The following NF2 variants were observed in gnomAD, a reference collection of about 807,000 sequenced individuals.
The protein encoded by NF2 is NF2, moesin-ezrin-radixin like (MERLIN) tumor suppressor.
A neutral mutation model predicts 83.7 loss-of-function variants in NF2; 8 were observed. The observed-to-expected ratio is 0.10, with a 90% CI of 0.06 to 0.17. The LOEUF (loss-of-function observed/expected upper bound fraction) is 0.17. Ranked by LOEUF, NF2 falls within the 10% of genes least tolerant of loss-of-function variation. The probability of loss-of-function intolerance (pLI) is 1.00; values close to 1 mark genes in which losing one functional copy is unlikely to be tolerated. For synonymous variants in NF2, 266 were observed against 269.6 expected, an observed-to-expected ratio of 0.99 and a Z score of 0.13; for missense variants, 533 against 744.4, an observed-to-expected ratio of 0.72 and a Z score of 3.31.
At position 29,640,995 on chromosome 22, in the gene NF2, T is replaced by C. The variant is rs112993693; in HGVS notation, c.364-1207T>C. Among the ~76,000 whole-genome samples the C allele has an allele frequency of 8.1e-4, 124 of 152,212 alleles. 3 individuals are homozygous for C. Among genetic ancestry groups the C allele is most frequent in the African/African-American group, 2.9e-3 (121 of 41,546 alleles). On this transcript the variant is annotated intron_variant, in intron 3 of 15. Coordinates refer to ENST00000338641, the MANE Select transcript of NF2 (RefSeq NM_000268.4). ...CTAAAAATACAAAATTAGCCGGGCA[T>C]GGTGGCACATGCCTGTAATCCCAGC...
At chr22:29,623,329 C>T (rs922996170) in intron 1 of NF2, among the ~76,000 whole-genome samples, 5 of 151,992 alleles carry the variant, frequency 3.3e-5, no homozygotes, top group Non-Finnish European at 7.4e-5. Context: ...TCATCAGATG[C>T]GATGAAGAGC....
At chr22:29,664,931 A>G in intron 8 of NF2, 59 bp from the exon 9 acceptor site, 1 of 1,272,046 alleles carries the variant, frequency 7.9e-7, no homozygotes, top group Non-Finnish European at 1.1e-6. Context: ...TGGAATTTCC[A>G]ATTGCTGGTA....
At position 29,606,613 on chromosome 22, in the gene NF2, AT is replaced by A. The variant is rs79825041; in HGVS notation, c.114+2502del. ...ATTCATGCCTAAGGGCAATCTGGAGATGTGAAGGTTTTGGTAAGAGGCAACT... is the reference window on the plus strand; with the variant it reads ...ATTCATGCCTAAGGGCAATCTGGAGAGTGAAGGTTTTGGTAAGAGGCAACT... On this transcript the variant is annotated intron_variant, in intron 1 of 15. Transcript: ENST00000338641. Among the ~76,000 whole-genome samples the A allele has an allele frequency of 8.9e-3, 1,349 of 152,302 alleles. 58 individuals carry two copies. In the East Asian group the frequency reaches 0.14, roughly 15 times the overall value.
At chr22:29,691,422 C>T (rs1027540055) in intron 15 of NF2, among the ~76,000 whole-genome samples, 8 of 152,146 alleles carry the variant, frequency 5.3e-5, no homozygotes, top group Non-Finnish European at 1.0e-4. Context: ...GGACCCAGGC[C>T]GGTTGCTGAG....
intron 15 of NF2, among the ~76,000 whole-genome samples, chr22:29,687,634 A>T (rs186419753): frequency 9.1e-4 from 138 of 152,310 alleles, no homozygotes; most frequent in African/African-American, 3.1e-3. Flanking sequence ...AACCCTCCTT[A>T]TGACCCCAGT....
intron 14 of NF2, among the ~76,000 whole-genome samples, chr22:29,680,945 TG>T (rs1291856184): frequency 7.4e-6 from 1 of 135,452 alleles, no homozygotes; most frequent in Non-Finnish European, 1.7e-5. Context: ...GTTTCACGTA[TG>T]TTTTTTTTTT....
At position 29,694,580 on chromosome 22, in the gene NF2, G is replaced by A. The variant is rs1269169867; in HGVS notation, c.1738-172G>A. ...GTCACCTCCTAATTTGAATTATTGG[G>A]CAAATCTGGCCGCTTATTTGGGACT... On this transcript the variant is annotated intron_variant, in intron 15 of 15. Coordinates refer to ENST00000338641, the MANE Select transcript of NF2 (RefSeq NM_000268.4). This position sits in a 1 kb window ranked among gnomAD's most constrained non-coding sequence, Gnocchi z 4.1. 6.6e-6 allele frequency among the ~76,000 whole-genome samples: 1 copy of A among 152,168 alleles called. No homozygotes were observed. Among genetic ancestry groups the A allele is most frequent in the African/African-American group, 2.4e-5 (1 of 41,428 alleles).
intron 6 of NF2, 30 bp from the exon 7 acceptor site, chr22:29,658,159 C>T (rs1198013511): frequency 5.6e-6 from 9 of 1,608,396 alleles, no homozygotes; most frequent in Middle Eastern, 1.8e-4. Flanking sequence ...CACTTAGCTC[C>T]AATGACAGTG....
chr22:29,671,402 G>A (rs1569304156), intron 10 of NF2, among the ~76,000 whole-genome samples: 1 of 152,094 alleles, frequency 6.6e-6, no homozygotes, highest in Non-Finnish European at 1.5e-5. Context: ...GGTGGCGGGT[G>A]CCTATAGTCC....
At chr22:29,679,492 A>G (rs1477024337) in intron 14 of NF2, among the ~76,000 whole-genome samples, 3 of 152,222 alleles carry the variant, frequency 2.0e-5, no homozygotes, top group African/African-American at 7.2e-5. Context: ...GCTATTTTAT[A>G]GTTTGTATTT....
At chr22:29,683,225 A>G (rs2067192978) in intron 15 of NF2, 2 of 1,572,638 alleles carry the variant, frequency 1.3e-6, no homozygotes, top group Admixed American at 1.8e-5. Flanking sequence ...GTCTAAAAGT[A>G]GGCACCCACC....
chr22:29,637,440 T>C (rs2065678589), intron 2 of NF2, among the ~76,000 whole-genome samples: 1 of 152,178 alleles, frequency 6.6e-6, no homozygotes, highest in Admixed American at 6.5e-5. Flanking sequence ...GCAATTTTAA[T>C]GTGGCTTGGA....
At chr22:29,616,015 G>A (rs796693218) in intron 1 of NF2, among the ~76,000 whole-genome samples, 3 of 152,286 alleles carry the variant, frequency 2.0e-5, no homozygotes, top group South Asian at 2.1e-4. Flanking sequence ...GTACCAGCAC[G>A]TGCTTCAACA....
intron 1 of NF2, among the ~76,000 whole-genome samples, chr22:29,608,275 C>T (rs989112524): frequency 8.8e-5 from 13 of 147,322 alleles, no homozygotes; most frequent in African/African-American, 3.0e-4. Context: ...AGAAAGAATT[C>T]GTTAATTTTT....
At chr22:29,678,156 G>C (rs757433451) in intron 13 of NF2, 40 bp from the exon 14 acceptor site, 2 of 1,612,484 alleles carry the variant, frequency 1.2e-6, no homozygotes, top group Admixed American at 3.3e-5. Context: ...TTCTGTGCTT[G>C]TATGACCCAA....
intron 15 of NF2, chr22:29,682,950 T>C (rs1163322307): frequency 1.3e-6 from 2 of 1,577,490 alleles, no homozygotes; most frequent in East Asian, 2.2e-5. Flanking sequence ...ATTTTGCAGA[T>C]GGCACTTATG....
intron 1 of NF2, among the ~76,000 whole-genome samples, chr22:29,610,271 A>G (rs1347640820): frequency 6.6e-6 from 1 of 151,878 alleles, no homozygotes; most frequent in African/African-American, 2.4e-5. Flanking sequence ...ACTTGATCCC[A>G]GGAGGTTGAG....
At chr22:29,630,619 A>G (rs1660677310) in intron 1 of NF2, among the ~76,000 whole-genome samples, 1 of 152,216 alleles carries the variant, frequency 6.6e-6, no homozygotes. Flanking sequence ...ATTGGAGTCC[A>G]CATTTGTGCT....
chr22:29,682,772 C>T (rs2067173747), intron 15 of NF2, among the ~76,000 whole-genome samples: 2 of 152,104 alleles, frequency 1.3e-5, no homozygotes, highest in African/African-American at 4.8e-5. Flanking sequence ...CACCCCTTAC[C>T]CCCAGCCTTG....
Sources: allele counts gnomAD v4.1 joint callset (sites outside exome capture counted in the v4.1 genomes callset), GRCh38; gene constraint gnomAD v4.1.1; non-coding constraint Gnocchi (gnomAD v3.1); transcripts MANE v1.5; gene names NCBI Gene and HGNC (gene_info 2026-07-23, HGNC 2026-07-21).